The following ZNF426 variants were observed in gnomAD, a reference collection of about 807,000 sequenced individuals.
ZNF426 encodes the protein zinc finger protein 426, also known as CTC-543D15.7.
ZNF426 carries 23 observed loss-of-function variants against 24.0 expected under a neutral mutation model. The ratio of observed to expected loss-of-function variants is 0.96; its 90% CI spans 0.69 to 1.36. The LOEUF is 1.36. ZNF426 is among the 40% of genes most tolerant of loss of function. The probability of loss-of-function intolerance (pLI) is 0.00; values close to 1 mark genes in which losing one functional copy is unlikely to be tolerated. For missense variants in ZNF426, 646 were observed against 658.4 expected (o/e 0.98, Z 0.21); for synonymous variants, 272 against 224.6 (o/e 1.21, Z -1.89).
At position 9,535,197 on chromosome 19, in the gene ZNF426, A is replaced by G. The variant is rs1294936406; in HGVS notation, c.108T>C (p.Asp36=). ...AGRIVADCLT[D]CYQDSVTFDD... Reference sequence around the variant, plus strand: ...TACAGCTGCTTTTTACCTGATAACAATCTGTTAGGCAGTCAGCCACTATTC... The same window carrying G: ...TACAGCTGCTTTTTACCTGATAACAGTCTGTTAGGCAGTCAGCCACTATTC... Residue 36 remains aspartate, a synonymous_variant, in exon 4 of 8, where the codon GAT becomes GAC. Transcript: ENST00000253115. 3.7e-6 allele frequency: 6 copies of G among 1,612,504 alleles called. No homozygotes were observed. Among genetic ancestry groups the G allele is most frequent in the Non-Finnish European group, 5.1e-6 (6 of 1,179,200 alleles).
Position 9,523,702 on chromosome 19 carries a change from C to T in ZNF426, c.*4678G>A, listed in dbSNP as rs2073764488. ...AGTTCAGATCATCAGGCATTAGATT[C>T]TCATAAGGAGTGTGCAACCTAGATC... is the stretch of plus-strand genomic sequence containing the variant. On this transcript the variant is annotated 3_prime_UTR_variant, in exon 8 of 8. Coordinates refer to ENST00000253115, the MANE Select transcript of ZNF426 (RefSeq NM_024106.3). 6.6e-6 allele frequency: 1 copy of T among 152,228 alleles called. No homozygotes were observed. Among genetic ancestry groups the T allele is most frequent in the African/African-American group, 2.4e-5 (1 of 41,466 alleles). The allele number at this position is 152,228 out of a possible 1,614,324, so 9.4% of individuals were successfully genotyped here.
intron 7 of ZNF426, among the ~76,000 whole-genome samples, chr19:9,530,261 T>C (rs1374793401): frequency 2.0e-5 from 3 of 152,060 alleles, no homozygotes; most frequent in Non-Finnish European, 2.9e-5. Context: ...GAGACCAGCC[T>C]GGGCAACATG....
chr19:9,536,233 C>A lies in ZNF426; in HGVS notation c.-1G>T. ...CATGGGACAAATCAGCAGCTGCCAT[C>A]CCGCGAGGTGAGAACGTGTCAGAAC... is the stretch of plus-strand genomic sequence containing the variant. On this transcript the variant is annotated 5_prime_UTR_variant, in exon 3 of 8. Transcript: ENST00000253115. 1.2e-6 allele frequency: 2 copies of A among 1,614,168 alleles called. No individual in the cohort carries two copies. The highest frequency in any genetic ancestry group is 1.7e-6 in the Non-Finnish European group (2 of 1,180,034).
chr19:9,529,021 C>CA lies in ZNF426; in HGVS notation c.1023dup (p.Gly342TrpfsTer11). 2 of 1,613,774 alleles carry CA rather than the reference C, an allele frequency of 1.2e-6. No individual in the cohort carries two copies. The highest frequency in any genetic ancestry group is 4.5e-5 in the East Asian group (2 of 44,878). ...CCCGAGTACTGAGTGAAGGCTTTCC[C>CA]ACATTCCTTACATACATAGGGTTTC... On this transcript the variant is annotated frameshift_variant, in exon 8 of 8. Coordinates refer to ENST00000253115, the MANE Select transcript of ZNF426 (RefSeq NM_024106.3). LOFTEE classifies it low-confidence loss of function (END_TRUNC).
chr19:9,524,922 GT>G lies in ZNF426; in HGVS notation c.*3457del, dbSNP rs1409013681. 1 of 151,764 alleles carries G rather than the reference GT, an allele frequency of 6.6e-6. No individual in the cohort carries two copies. The highest frequency in any genetic ancestry group is 1.5e-5 in the Non-Finnish European group (1 of 68,006). The allele number at this position is 151,764 out of a possible 1,614,324, so 9.4% of individuals were successfully genotyped here. A position where few individuals can be genotyped will look rare whatever the true frequency, so the allele number is the denominator to read the frequency against. The stretch of plus-strand genomic sequence containing the variant: ...TTCAACATTGCTTTACATTTTCAGG[GT>G]TTTTCTTCAGTGAGTTTGTATGTGG... On this transcript the variant is annotated 3_prime_UTR_variant, in exon 8 of 8. Coordinates refer to ENST00000253115, the MANE Select transcript of ZNF426 (RefSeq NM_024106.3).
intron 6 of ZNF426, among the ~76,000 whole-genome samples, 188 bp downstream of exon 6, chr19:9,532,657 G>A (rs551942197): frequency 6.5e-4 from 99 of 152,262 alleles, no homozygotes; most frequent in South Asian, 1.5e-3. Context: ...ACCGTGAAAA[G>A]TGAAATCACA....
At chr19:9,536,425 G>T in intron 2 of ZNF426, 69 bp from the exon 3 acceptor site, 1 of 1,426,992 alleles carries the variant, frequency 7.0e-7, no homozygotes, top group Non-Finnish European at 9.4e-7. Context: ...ACACCGGCTG[G>T]GGCAGTAGCT....
chr19:9,530,969 C>T lies in ZNF426; in HGVS notation c.408+16G>A. 6.3e-7 allele frequency: 1 copy of T among 1,597,326 alleles called. No homozygotes were observed. Among genetic ancestry groups the T allele is most frequent in the South Asian group, 1.1e-5 (1 of 90,536 alleles). ...TCTGAGGGTGGAAAATAAAAAATAT[C>T]CTATGCAAATCTTACCAATTGTATC... is the stretch of plus-strand genomic sequence containing the variant. On this transcript the variant is annotated intron_variant, in intron 7 of 7. Transcript: ENST00000253115.
intron 2 of ZNF426, chr19:9,536,712 ATCC>A: frequency 1.4e-5 from 3 of 207,238 alleles, no homozygotes; most frequent in Admixed American, 1.1e-4. Context: ...TCAAATCTGC[ATCC>A]CCAGCTCACA....
At chr19:9,532,778 T>C in intron 6 of ZNF426, 67 bp downstream of exon 6, 2 of 1,231,928 alleles carry the variant, frequency 1.6e-6, no homozygotes, top group Non-Finnish European at 1.2e-6. Context: ...GTTAAAAAGT[T>C]TCCTAATTAT....
intron 6 of ZNF426, among the ~76,000 whole-genome samples, 175 bp downstream of exon 6, chr19:9,532,670 C>G (rs910452813): frequency 6.6e-6 from 1 of 152,138 alleles, no homozygotes; most frequent in African/African-American, 2.4e-5. Flanking sequence ...AAATCACAGA[C>G]AAGGGGGGAC....
Position 9,525,407 on chromosome 19 carries a change from C to T in ZNF426, c.*2973G>A, listed in dbSNP as rs2073782208. On this transcript the variant is annotated 3_prime_UTR_variant, in exon 8 of 8. Coordinates refer to ENST00000253115, the MANE Select transcript of ZNF426 (RefSeq NM_024106.3). ...TAACTAGTGATGGCTTCTCTATATT[C>T]CTTACATTCATAGGGCTCTGTCCAC... 1 of 152,116 alleles carries T rather than the reference C, an allele frequency of 6.6e-6. No individual in the cohort carries two copies. The highest frequency in any genetic ancestry group is 6.5e-5 in the Admixed American group (1 of 15,274). 9.4% of individuals were successfully genotyped at this position (152,116 alleles called of 1,614,324 possible).
At position 9,528,616 on chromosome 19, in the gene ZNF426, C is replaced by A. The variant is rs767857958; in HGVS notation, c.1429G>T (p.Glu477Ter). The part of the protein sequence containing the change: ...MRIHTGEKPY[E>*]CKQCGKAFSH... Reference sequence around the variant, plus strand: ...AAGGCCTTTCCACATTGTTTACACTCATAGGGTTTTTCTCCAGTGTGGATT... The same window carrying A: ...AAGGCCTTTCCACATTGTTTACACTAATAGGGTTTTTCTCCAGTGTGGATT... Residue 477 changes from glutamate to a stop codon, truncating the protein, a stop_gained, in exon 8 of 8, where the codon GAG (glutamate) becomes TAG (stop). Transcript: ENST00000253115. LOFTEE classifies it low-confidence loss of function (END_TRUNC). 1 of 1,613,954 alleles carries A rather than the reference C, an allele frequency of 6.2e-7. No homozygotes were observed.
At chr19:9,532,613 A>G (rs894755600) in intron 6 of ZNF426, among the ~76,000 whole-genome samples, 6 of 151,994 alleles carry the variant, frequency 3.9e-5, no homozygotes, top group Admixed American at 3.9e-4. Context: ...CCCATTTAAT[A>G]TTTTTGGACC....
rs141358534 is a variant in ZNF426 at position 9,535,276 on chromosome 19, T to C, written c.29A>G (p.His10Arg). The C allele has an allele frequency of 1.6e-5, 26 of 1,612,180 alleles. No homozygotes were observed. The highest frequency in any genetic ancestry group is 2.1e-5 in the Non-Finnish European group (25 of 1,178,810). Reference sequence around the variant, plus strand: ...GCAAACTGGGTCCCCAGAAAGATAATGTCCTGTAAGAAAATGAAGGCAAGA... The same window carrying C: ...GCAAACTGGGTCCCCAGAAAGATAACGTCCTGTAAGAAAATGAAGGCAAGA... MAAADLSHGHYLSGDPVCLH... is the reference protein window; with the variant it reads MAAADLSHGRYLSGDPVCLH... Residue 10 changes from histidine to arginine, a missense_variant, in exon 4 of 8, where the codon CAT (histidine) becomes CGT (arginine). His to Arg is a conservative substitution (Grantham distance 29). Coordinates refer to ENST00000253115, the MANE Select transcript of ZNF426 (RefSeq NM_024106.3).
At chr19:9,530,674 G>GATC (rs1347599280) in intron 7 of ZNF426, among the ~76,000 whole-genome samples, 6 of 151,562 alleles carry the variant, frequency 4.0e-5, no homozygotes, top group African/African-American at 1.5e-4. Flanking sequence ...GAGGTGGGAG[G>GATC]ATCGCCTGAG....
intron 6 of ZNF426, among the ~76,000 whole-genome samples, chr19:9,531,737 C>T (rs1293951205): frequency 6.6e-6 from 1 of 152,162 alleles, no homozygotes; most frequent in Non-Finnish European, 1.5e-5. Context: ...TTAATCCCAG[C>T]ACTTTGGGAG....
Position 9,533,962 on chromosome 19 carries a change from G to A in ZNF426, c.122C>T (p.Ser41Leu). 8 of 1,613,134 alleles carry A rather than the reference G, an allele frequency of 5.0e-6. No homozygotes were observed. The highest frequency in any genetic ancestry group is 1.7e-5 in the Admixed American group (1 of 59,782). The change falls in exon 5 of 8, where the codon TCA (serine) becomes TTA (leucine). Residue 41 changes from serine (S) to leucine (L), a missense_variant. Transcript: ENST00000253115. ...ADCLTDCYQDSVTFDDVAVDF... is the reference protein window; with the variant it reads ...ADCLTDCYQDLVTFDDVAVDF... ...CACAGCCACATCGTCAAAGGTCACT[G>A]AATCCTAAAGCATCACACACATGCT...
chr19:9,536,765 C>T (rs1450010140), intron 2 of ZNF426, among the ~76,000 whole-genome samples: 1 of 152,144 alleles, frequency 6.6e-6, no homozygotes, highest in Non-Finnish European at 1.5e-5. Flanking sequence ...GTGCCTAACA[C>T]TGGTCTGTTT....
Sources: gnomAD v4.1 joint callset for allele counts (sites outside exome capture counted in the v4.1 genomes callset) on GRCh38, gnomAD v4.1.1 for gene constraint, MANE v1.5 for transcripts, NCBI Gene and HGNC (gene_info 2026-07-23, HGNC 2026-07-21) for gene names.